Variants in AHCY observed in about 807,000 individuals in gnomAD.
AHCY encodes the protein S-adenosyl-L-homocysteine hydrolase.
In AHCY, 24 loss-of-function variants were observed where a neutral mutation model predicts 45.4. The ratio of observed to expected loss-of-function variants is 0.53; its 90% CI spans 0.38 to 0.74. AHCY has a LOEUF of 0.74. Ranked by LOEUF, AHCY falls within the 30% of genes least tolerant of loss-of-function variation. The pLI, the probability that AHCY is intolerant of heterozygous loss-of-function variation, is 0.00. For synonymous variants in AHCY, 245 were observed against 235.1 expected (o/e 1.04, Z -0.39); for missense variants, 449 against 594.1 (o/e 0.76, Z 2.54).
At chr20:34,234,460 G>GCTTT in the AHCY span, among the ~76,000 whole-genome samples, 2 of 152,218 alleles carry the variant, frequency 1.3e-5, no homozygotes, top group South Asian at 2.1e-4. Flanking sequence ...GGCGCTATCA[G>GCTTT]CTTTCTTTCT....
intron 1 of AHCY, among the ~76,000 whole-genome samples, chr20:34,301,455 G>A (rs1364609363): frequency 6.6e-6 from 1 of 152,180 alleles, no homozygotes; most frequent in Non-Finnish European, 1.5e-5. Flanking sequence ...AGGAACACCT[G>A]TCCCCAGGAC....
the AHCY span, among the ~76,000 whole-genome samples, chr20:34,274,849 G>C: frequency 1.3e-5 from 2 of 152,166 alleles, no homozygotes; most frequent in Non-Finnish European, 2.9e-5. Context: ...AGCTATTTGG[G>C]AGGCTGAGGC....
intron 8 of AHCY, among the ~76,000 whole-genome samples, chr20:34,289,274 T>C (rs1454033874): frequency 1.3e-5 from 2 of 151,762 alleles, no homozygotes; most frequent in Admixed American, 1.3e-4. Flanking sequence ...CCCGGGTTCA[T>C]GTGATTCTCC....
In AHCY at chr20:34,292,740, T is replaced by G. The variant is rs532748153; in HGVS notation, c.296-233A>C. On this transcript the variant is annotated intron_variant, in intron 3 of 9. Transcript: ENST00000217426. Reference sequence around the variant, plus strand: ...GACCTTGGGCAAATCACTTCACCTCTCTGAGCCTCAGTCTTCTCCTCTGTA... The same window carrying G: ...GACCTTGGGCAAATCACTTCACCTCGCTGAGCCTCAGTCTTCTCCTCTGTA... Among the ~76,000 whole-genome samples, 10 of 152,334 alleles carry G rather than the reference T, an allele frequency of 6.6e-5. No individual in the cohort carries two copies. The South Asian group carries it at 2.1e-3, about 32-fold the overall frequency.
the AHCY span, among the ~76,000 whole-genome samples, chr20:34,246,784 C>T: frequency 6.6e-6 from 1 of 152,128 alleles, no homozygotes; most frequent in East Asian, 1.9e-4. Context: ...TTTAAAATTG[C>T]AGATAAACTT....
the AHCY span, chr20:34,260,522 G>A: frequency 6.2e-6 from 10 of 1,612,340 alleles, no homozygotes; most frequent in Non-Finnish European, 8.5e-6. Context: ...TGTCCCTTCT[G>A]TCTCTATTGT....
intron 1 of AHCY, among the ~76,000 whole-genome samples, chr20:34,297,003 T>C (rs1016825121): frequency 2.0e-5 from 3 of 152,140 alleles, no homozygotes; most frequent in African/African-American, 7.2e-5. Flanking sequence ...TCACCAGTGA[T>C]AGCTCTCCTT....
At position 34,291,445 on chromosome 20, in the gene AHCY, T is replaced by C. The variant is rs755093889; in HGVS notation, c.532A>G (p.Ile178Val). The change falls in exon 5 of 10, where the codon ATC (isoleucine) becomes GTC (valine). Residue 178 changes from isoleucine (I) to valine (V), a missense_variant. Physicochemically the swap from Ile to Val is conservative, Grantham distance 29 (BLOSUM62 3). Coordinates refer to ENST00000217426, the MANE Select transcript of AHCY (RefSeq NM_000687.4). ...MANGILKVPA[I>V]NVNDSVTKSK... ...TTGGTGACGGAGTCATTGACATTGA[T>C]GGCAGGCACCTTGAGGATCCCATTG... 4 of 1,614,014 alleles carry C rather than the reference T, an allele frequency of 2.5e-6. No individual in the cohort carries two copies. Among genetic ancestry groups the C allele is most frequent in the Non-Finnish European group, 2.5e-6 (3 of 1,180,018 alleles).
chr20:34,236,945 C>A, the AHCY span, among the ~76,000 whole-genome samples: 1 of 152,066 alleles, frequency 6.6e-6, no homozygotes, highest in East Asian at 1.9e-4. Context: ...TTTCCTAGTA[C>A]CATTTGTTGA....
chr20:34,257,187 G>A, the AHCY span, among the ~76,000 whole-genome samples: 5 of 151,576 alleles, frequency 3.3e-5, no homozygotes, highest in Admixed American at 6.6e-5. Flanking sequence ...GGGTTCAGGC[G>A]ATTCTCCTGC....
At chr20:34,254,796 C>A in the AHCY span, among the ~76,000 whole-genome samples, 1 of 152,158 alleles carries the variant, frequency 6.6e-6, no homozygotes, top group Non-Finnish European at 1.5e-5. Context: ...ACATTATGGA[C>A]CTGTATTACA....
intron 1 of AHCY, among the ~76,000 whole-genome samples, chr20:34,298,586 G>C (rs1230607770): frequency 6.9e-6 from 1 of 144,532 alleles, no homozygotes; most frequent in Non-Finnish European, 1.5e-5. Flanking sequence ...CTACTTAGCA[G>C]ACTGGGAAGT....
Position 34,290,718 on chromosome 20 carries a change from T to C in AHCY, c.766+13A>G, listed in dbSNP as rs758596175. ...GCCCCAGTGGCTGACAACCAACCCT[T>C]GCCCTATCCTACCCTCCATGGCAGC... On this transcript the variant is annotated intron_variant, in intron 6 of 9. Transcript: ENST00000217426. This position sits in a 1 kb window ranked among gnomAD's most constrained non-coding sequence, Gnocchi z 4.5. 14 of 1,613,458 alleles carry C rather than the reference T, an allele frequency of 8.7e-6. No homozygotes were observed. The highest frequency in any genetic ancestry group is 1.3e-5 in the African/African-American group (1 of 74,826).
chr20:34,263,724 G>A, the AHCY span, among the ~76,000 whole-genome samples: 11 of 148,674 alleles, frequency 7.4e-5, no homozygotes, highest in Middle Eastern at 0.01. Flanking sequence ...GCCAGAGTTC[G>A]GTGGCGTGAT....
chr20:34,301,709 A>G, intron 1 of AHCY: 8 of 680,364 alleles, frequency 1.2e-5, no homozygotes, highest in African/African-American at 1.9e-5. Context: ...TCTCCACAGT[A>G]TGACAAGCCC....
the AHCY span, chr20:34,249,983 C>T: frequency 2.6e-5 from 4 of 152,256 alleles, no homozygotes; most frequent in Admixed American, 2.6e-4. Flanking sequence ...GAAAGCCTGC[C>T]TTCATCTTAA....
the AHCY span, among the ~76,000 whole-genome samples, chr20:34,235,985 A>AAGGAGGAGGGAGGGAGGG: frequency 8.9e-5 from 12 of 134,750 alleles, no homozygotes; most frequent in South Asian, 2.3e-4. Context: ...GGGAAGAAGG[A>AAGGAGGAGGGAGGGAGGG]AAGAAGGAAG....
Position 34,292,445 on chromosome 20 carries a change from A to G in AHCY, c.358T>C (p.Phe120Leu), listed in dbSNP as rs768582053. 6.2e-7 allele frequency: 1 copy of G among 1,614,104 alleles called. No homozygotes were observed. Among genetic ancestry groups the G allele is most frequent in the Non-Finnish European group, 8.5e-7 (1 of 1,180,040 alleles). ...YLWCIEQTLY[F>L]KDGPLNMILD... ...ATCATGTTGAGGGGCCCGTCCTTGA[A>G]GTACAGGGTCTGCTCAATGCACCAC... Residue 120 changes from phenylalanine (F) to leucine (L), a missense_variant, in exon 4 of 10, where the codon TTC becomes CTC. Coordinates refer to ENST00000217426, the MANE Select transcript of AHCY (RefSeq NM_000687.4).
chr20:34,295,371 G>C, intron 2 of AHCY, 24 bp downstream of exon 2: 1 of 1,613,660 alleles, frequency 6.2e-7, no homozygotes, highest in Non-Finnish European at 8.5e-7. Context: ...AAGGACTCTG[G>C]GGTGATACAG....
Sources: allele counts gnomAD v4.1 joint callset (sites outside exome capture counted in the v4.1 genomes callset), GRCh38; gene constraint gnomAD v4.1.1; non-coding constraint Gnocchi (gnomAD v3.1); transcripts MANE v1.5; gene names NCBI Gene and HGNC (gene_info 2026-07-23, HGNC 2026-07-21).